The following BMAL1 variants were observed in gnomAD, a reference collection of about 807,000 sequenced individuals.
BMAL1 encodes the protein basic helix-loop-helix ARNT like 1, also known as basic helix-loop-helix ARNT-like protein 1.
the BMAL1 span, among the ~76,000 whole-genome samples, chr11:13,375,162 G>C: frequency 6.6e-6 from 1 of 152,198 alleles, no homozygotes; most frequent in Non-Finnish European, 1.5e-5. Flanking sequence ...ACATGAGAAG[G>C]GCTCATTACA....
At chr11:13,319,394 G>A in the BMAL1 span, among the ~76,000 whole-genome samples, 2 of 152,250 alleles carry the variant, frequency 1.3e-5, no homozygotes, top group East Asian at 1.9e-4. Context: ...ATGGTTTGCT[G>A]TTTAAAATTT....
chr11:13,376,643 C>T, the BMAL1 span: 3 of 1,614,040 alleles, frequency 1.9e-6, no homozygotes, highest in Non-Finnish European at 2.5e-6. Context: ...TTCACAGAGC[C>T]AACGTCCTGG....
chr11:13,320,216 C>A, the BMAL1 span, among the ~76,000 whole-genome samples: 2 of 152,220 alleles, frequency 1.3e-5, no homozygotes, highest in Non-Finnish European at 2.9e-5. Flanking sequence ...CACCTGCTAA[C>A]TGCATGTGAA....
At chr11:13,372,699 A>G in the BMAL1 span, among the ~76,000 whole-genome samples, 51 of 152,154 alleles carry the variant, frequency 3.4e-4, no homozygotes, top group East Asian at 9.9e-3. Flanking sequence ...AGTCCCATCT[A>G]CTCTGGAGGC....
the BMAL1 span, among the ~76,000 whole-genome samples, chr11:13,375,267 T>C: frequency 6.6e-6 from 1 of 152,254 alleles, no homozygotes; most frequent in Non-Finnish European, 1.5e-5. Flanking sequence ...CCTTGGGCTT[T>C]GTGATTGAGA....
the BMAL1 span, among the ~76,000 whole-genome samples, chr11:13,386,189 G>A: frequency 1.3e-5 from 2 of 152,214 alleles, no homozygotes; most frequent in South Asian, 2.1e-4. Flanking sequence ...TCTCCCCTGG[G>A]CTTTCTAGAT....
chr11:13,322,934 G>T, the BMAL1 span, among the ~76,000 whole-genome samples: 2 of 151,344 alleles, frequency 1.3e-5, no homozygotes, highest in Non-Finnish European at 2.9e-5. Flanking sequence ...GGAACTACAG[G>T]TATGTGCCAC....
chr11:13,354,392 T>C, the BMAL1 span: 2 of 1,614,216 alleles, frequency 1.2e-6, no homozygotes. Flanking sequence ...CCAGCTCTCT[T>C]GGTACCAGTG....
At chr11:13,280,861 C>T in the BMAL1 span, among the ~76,000 whole-genome samples, 3 of 152,194 alleles carry the variant, frequency 2.0e-5, no homozygotes, top group Non-Finnish European at 4.4e-5. Context: ...CCTCCCAATT[C>T]AGAGAAAGCA....
At chr11:13,322,950 T>C in the BMAL1 span, among the ~76,000 whole-genome samples, 1 of 151,394 alleles carries the variant, frequency 6.6e-6, no homozygotes, top group Non-Finnish European at 1.5e-5. Flanking sequence ...GCCACTTGCC[T>C]GTCTGATTTT....
chr11:13,351,031 T>C, the BMAL1 span, among the ~76,000 whole-genome samples: 3 of 152,196 alleles, frequency 2.0e-5, no homozygotes, highest in Non-Finnish European at 4.4e-5. Context: ...TCCTGGTACT[T>C]AGACCCTGAT....
the BMAL1 span, among the ~76,000 whole-genome samples, chr11:13,314,034 G>A: frequency 1.3e-5 from 2 of 151,864 alleles, no homozygotes; most frequent in African/African-American, 4.8e-5. Context: ...TCACCCTCTT[G>A]GGAACTCAAC....
the BMAL1 span, among the ~76,000 whole-genome samples, chr11:13,297,881 G>A: frequency 3.6e-4 from 55 of 152,198 alleles, no homozygotes; most frequent in Non-Finnish European, 6.6e-4. Context: ...GGTGATTGCA[G>A]TAGCCTCCAA....
At chr11:13,284,114 A>C in the BMAL1 span, among the ~76,000 whole-genome samples, 2 of 100,578 alleles carry the variant, frequency 2.0e-5, no homozygotes, top group African/African-American at 5.5e-5. Context: ...GTGTGTGTAT[A>C]TATATGTGTG....
At chr11:13,358,586 T>C in the BMAL1 span, 2 of 1,596,716 alleles carry the variant, frequency 1.3e-6, no homozygotes, top group African/African-American at 2.7e-5. Flanking sequence ...ATGAAAACAT[T>C]AAGAGGTGAG....
chr11:13,374,254 G>C, the BMAL1 span: 1 of 1,525,202 alleles, frequency 6.6e-7, no homozygotes, highest in East Asian at 2.3e-5. Flanking sequence ...CTTGCTTCTA[G>C]ACTAGTCAAC....
chr11:13,331,135 T>C, the BMAL1 span, among the ~76,000 whole-genome samples: 3 of 152,224 alleles, frequency 2.0e-5, no homozygotes, highest in Non-Finnish European at 4.4e-5. Context: ...ATTAAACAGA[T>C]ACCCTTCAGG....
the BMAL1 span, among the ~76,000 whole-genome samples, chr11:13,359,736 A>C: frequency 1.3e-5 from 2 of 152,210 alleles, no homozygotes; most frequent in Non-Finnish European, 2.9e-5. Flanking sequence ...TTCTCCTGAA[A>C]AATGCCAGAT....
the BMAL1 span, among the ~76,000 whole-genome samples, chr11:13,315,838 T>G: frequency 1.3e-5 from 2 of 152,148 alleles, no homozygotes; most frequent in African/African-American, 4.8e-5. Context: ...CACAGCTGCT[T>G]CTTGCCTTTT....
Sources: gnomAD v4.1 joint callset for allele counts (sites outside exome capture counted in the v4.1 genomes callset) on GRCh38, gnomAD v4.1.1 for gene constraint, MANE v1.5 for transcripts, NCBI Gene and HGNC (gene_info 2026-07-23, HGNC 2026-07-21) for gene names.